The following ESPN variants were observed in gnomAD, a reference collection of about 807,000 sequenced individuals.
The protein encoded by ESPN is autosomal recessive deafness type 36 protein.
ESPN carries 68 observed loss-of-function variants against 77.7 expected under a neutral mutation model. That is an observed-to-expected ratio of 0.87 (90% CI 0.72 to 1.07). The LOEUF is 1.07. Ranked by LOEUF, ESPN falls within the 50% of genes least tolerant of loss-of-function variation. The pLI, the probability that ESPN is intolerant of heterozygous loss-of-function variation, is 0.00. For synonymous variants in ESPN, 449 were observed against 567.1 expected, an observed-to-expected ratio of 0.79 and a Z score of 2.96; for missense variants, 1,060 against 1,239.0, an observed-to-expected ratio of 0.86 and a Z score of 2.17.
chr1:6,440,039 G>A (rs569892133), intron 2 of ESPN, among the ~76,000 whole-genome samples: 1 of 152,054 alleles, frequency 6.6e-6, no homozygotes, highest in South Asian at 2.1e-4. Context: ...GGGCAGGGCA[G>A]TGCTGGGTGG....
chr1:6,424,898 G>A lies in ESPN; in HGVS notation c.-58G>A, dbSNP rs891457645. On this transcript the variant is annotated 5_prime_UTR_variant, in exon 1 of 13. It adds an upstream start codon to the 5' untranslated region. Transcript: ENST00000645284. ...GGGCTCCTCTGGCCCGCAAGAACAC[G>A]TGCATGGCGTCCTGGGGAAGGCGCT... 9 of 1,390,298 alleles carry A rather than the reference G, an allele frequency of 6.5e-6. No homozygotes were observed. In the African/African-American group the frequency reaches 9.1e-5, roughly 14 times the overall value. The allele number at this position is 1,390,298 out of a possible 1,614,324, so 86.1% of individuals were successfully genotyped here. A position where few individuals can be genotyped will look rare whatever the true frequency, so the allele number is the denominator to read the frequency against.
chr1:6,431,649 A>T (rs1381393678), intron 2 of ESPN, among the ~76,000 whole-genome samples: 1 of 147,906 alleles, frequency 6.8e-6, no homozygotes, highest in East Asian at 1.9e-4. Context: ...AAAAAAAAAA[A>T]AAAAGGAACG....
At chr1:6,458,361 G>A (rs1413879254) in intron 12 of ESPN, among the ~76,000 whole-genome samples, 5 of 147,426 alleles carry the variant, frequency 3.4e-5, no homozygotes, top group Non-Finnish European at 7.4e-5. Context: ...TGTTGTCCAG[G>A]CTGGAGTACA....
At position 6,449,071 on chromosome 1, in the gene ESPN, G is replaced by C; in HGVS notation, c.1895G>C (p.Arg632Pro). The stretch of plus-strand genomic sequence containing the variant: ...GCTGGCCCTGGCTGCGGGCAGCGCC[G>C]CTCCTCCTCGTCCACCGGCAGTGAG... ...ESAGPGCGQRRSSSSTGSTKS... is the reference protein window; with the variant it reads ...ESAGPGCGQRPSSSSTGSTKS... The change falls in exon 8 of 13, where the codon CGC becomes CCC. Residue 632 changes from arginine (R) to proline (P), a missense_variant. This residue lies in a region of ESPN where 374 missense variants were observed against 381.4 expected (regional missense o/e 0.98). Transcript: ENST00000645284. 6.7e-7 allele frequency: 1 copy of C among 1,482,218 alleles called. No homozygotes were observed. The highest frequency in any genetic ancestry group is 8.9e-7 in the Non-Finnish European group (1 of 1,123,492). The allele number at this position is 1,482,218 out of a possible 1,614,324, so 91.8% of individuals were successfully genotyped here. A position where few individuals can be genotyped will look rare whatever the true frequency, so the allele number is the denominator to read the frequency against.
At position 6,428,101 on chromosome 1, in the gene ESPN, C is replaced by T. The variant is rs1643105509; in HGVS notation, c.295-125C>T. 1 of 1,044,448 alleles carries T rather than the reference C, an allele frequency of 9.6e-7. No individual in the cohort carries two copies. The highest frequency in any genetic ancestry group is 1.6e-5 in the African/African-American group (1 of 63,580). The allele number at this position is 1,044,448 out of a possible 1,614,324, so 64.7% of individuals were successfully genotyped here. A position where few individuals can be genotyped will look rare whatever the true frequency, so the allele number is the denominator to read the frequency against. ...AAAACATTGCTGAATGAGGCCTGGC[C>T]AATCCCTCCAGGGAAGACAGAGAGC... On this transcript the variant is annotated intron_variant, in intron 1 of 12. Coordinates refer to ENST00000645284, the MANE Select transcript of ESPN (RefSeq NM_031475.3). This position sits in a 1 kb window ranked among gnomAD's most constrained non-coding sequence, Gnocchi z 5.4.
At chr1:6,441,093 A>T in intron 5 of ESPN, 28 bp downstream of exon 5, 1 of 1,605,044 alleles carries the variant, frequency 6.2e-7, no homozygotes, top group African/African-American at 1.3e-5. Context: ...CTCCTGTCGC[A>T]TTCTTTCTTC....
intron 2 of ESPN, among the ~76,000 whole-genome samples, chr1:6,432,404 C>T (rs888131073): frequency 2.6e-5 from 4 of 152,190 alleles, no homozygotes; most frequent in African/African-American, 7.2e-5. Flanking sequence ...GGCCTGTGTC[C>T]GCACTGAGGA....
chr1:6,444,726 A>G, intron 6 of ESPN, 44 bp downstream of exon 6: 2 of 1,605,162 alleles, frequency 1.2e-6, no homozygotes, highest in Non-Finnish European at 1.7e-6. Flanking sequence ...AGCAGACTGA[A>G]GCCAGACTGC....
chr1:6,445,970 A>G (rs759303136), intron 7 of ESPN, 35 bp downstream of exon 7: 3 of 1,610,318 alleles, frequency 1.9e-6, no homozygotes, highest in Non-Finnish European at 2.5e-6. Context: ...GCCTCCCAGC[A>G]GGGGGACTGG....
Position 6,440,348 on chromosome 1 carries a change from T to C in ESPN, c.583T>C (p.Cys195Arg), listed in dbSNP as rs758265937. The C allele has an allele frequency of 4.4e-6, 7 of 1,584,478 alleles. No individual in the cohort carries two copies. The highest frequency in any genetic ancestry group is 6.0e-6 in the Non-Finnish European group (7 of 1,165,840). ...GGTGACCCAGTACCTGGTGCAGGAATGCGGCGCAGACCCGCACGCGCGCGC... is the reference window on the plus strand; with the variant it reads ...GGTGACCCAGTACCTGGTGCAGGAACGCGGCGCAGACCCGCACGCGCGCGC... ...LEVTQYLVQE[C>R]GADPHARAHD... is the part of the protein sequence containing the mutation. The change falls in exon 3 of 13, where the codon TGC (cysteine) becomes CGC (arginine). Residue 195 changes from cysteine (C) to arginine (R), a missense_variant. Physicochemically the swap from Cys to Arg is radical, Grantham distance 180. Around this residue, in one of 3 missense-constraint regions of ESPN, gnomAD observed 556 missense variants for 633.6 expected, o/e 0.88. Transcript: ENST00000645284.
intron 5 of ESPN, among the ~76,000 whole-genome samples, chr1:6,443,564 A>G (rs11121873): frequency 0.27 from 41,718 of 152,140 alleles, 7,259 homozygotes; most frequent in African/African-American, 0.5. Flanking sequence ...GAATGGGTGG[A>G]GTATGTGTGC....
intron 7 of ESPN, 125 bp downstream of exon 7, chr1:6,446,060 C>A (rs1220995360): frequency 2.0e-6 from 2 of 983,418 alleles, no homozygotes; most frequent in East Asian, 4.9e-5. Context: ...ATGGCATGTT[C>A]AAGAGTCAAA....
chr1:6,442,678 G>T (rs1464163712), intron 5 of ESPN, among the ~76,000 whole-genome samples: 1 of 151,488 alleles, frequency 6.6e-6, no homozygotes, highest in African/African-American at 2.4e-5. Context: ...GACCATTCTG[G>T]CCAACATGGT....
rs1244518133 is a variant in ESPN, at chr1:6,450,689, C to T, written c.1916-914C>T. On this transcript the variant is annotated intron_variant, in intron 8 of 12. Transcript: ENST00000645284. This position sits in a 1 kb window ranked among gnomAD's most constrained non-coding sequence, Gnocchi z 4.3. ...ATTCTGCACCTGGCTGATGGTTTTG[C>T]CTAAATAAATGAGCCAGCCACACCG... is the stretch of plus-strand genomic sequence containing the variant. Among the ~76,000 whole-genome samples, 2 of 152,068 alleles carry T rather than the reference C, an allele frequency of 1.3e-5. No homozygotes were observed. The highest frequency in any genetic ancestry group is 2.9e-5 in the Non-Finnish European group (2 of 68,008).
Position 6,451,450 on chromosome 1 carries a change from T to G in ESPN, c.1916-153T>G. ...GCCTCTGGGGGCCCTGAAACCTGCC[T>G]GCAGGACCTGGGATCTGGAGAGCTG... On this transcript the variant is annotated intron_variant, in intron 8 of 12. Coordinates refer to ENST00000645284, the MANE Select transcript of ESPN (RefSeq NM_031475.3). The surrounding 1 kb of genome is among the most constrained non-coding windows in gnomAD (Gnocchi z 4.3). 1 of 1,099,656 alleles carries G rather than the reference T, an allele frequency of 9.1e-7. No homozygotes were observed. Among genetic ancestry groups the G allele is most frequent in the Non-Finnish European group, 1.3e-6 (1 of 744,484 alleles). The allele number at this position is 1,099,656 out of a possible 1,614,324, so 68.1% of individuals were successfully genotyped here.
intron 7 of ESPN, chr1:6,448,001 A>G (rs1014798302): frequency 6.6e-6 from 1 of 152,180 alleles, no homozygotes; most frequent in Non-Finnish European, 1.5e-5. Flanking sequence ...GTCGGAGCCC[A>G]TAGGCTGGCT....
rs1643948090 is a variant in ESPN at position 6,451,787 on chromosome 1, T to C, written c.2061+39T>C. On this transcript the variant is annotated intron_variant, in intron 9 of 12. Coordinates refer to ENST00000645284, the MANE Select transcript of ESPN (RefSeq NM_031475.3). This position sits in a 1 kb window ranked among gnomAD's most constrained non-coding sequence, Gnocchi z 4.3. Reference sequence around the variant, plus strand: ...GCAGGAGCCTGCGACCCGGCTTCCCTGGCCCTAGGCCACCGGGCGCTCAGC... The same window carrying C: ...GCAGGAGCCTGCGACCCGGCTTCCCCGGCCCTAGGCCACCGGGCGCTCAGC... The C allele has an allele frequency of 1.2e-6, 2 of 1,610,288 alleles. No homozygotes were observed. Among genetic ancestry groups the C allele is most frequent in the East Asian group, 2.2e-5 (1 of 44,792 alleles).
Position 6,454,616 on chromosome 1 carries a change from A to ACTGGAG in ESPN, c.2325+2534_2325+2539dup, listed in dbSNP as rs555302960. On this transcript the variant is annotated intron_variant, in intron 10 of 12. Coordinates refer to ENST00000645284, the MANE Select transcript of ESPN (RefSeq NM_031475.3). ...AGAAGCTGGAGGCGCGCCTCGAGCAACTGGAGCTGGAGCTGGAGCAGCTGC... is the reference window on the plus strand; with the variant it reads ...AGAAGCTGGAGGCGCGCCTCGAGCAACTGGAGCTGGAGCTGGAGCTGGAGCAGCTGC... 7.3e-4 allele frequency: 293 copies of ACTGGAG among 398,938 alleles called. 1 individual carries two copies. The highest frequency in any genetic ancestry group is 4.9e-3 in the African/African-American group (239 of 48,744). The allele number at this position is 398,938 out of a possible 1,614,324, so 24.7% of individuals were successfully genotyped here.
In ESPN at chr1:6,433,105, G is replaced by T. The variant is rs185758669; in HGVS notation, c.488+4686G>T. Among the ~76,000 whole-genome samples, 912 of 151,144 alleles carry T rather than the reference G, an allele frequency of 6.0e-3. 11 individuals are homozygous for T. The highest frequency in any genetic ancestry group is 0.02 in the African/African-American group (835 of 40,968). On this transcript the variant is annotated intron_variant, in intron 2 of 12. Transcript: ENST00000645284. The stretch of plus-strand genomic sequence containing the variant: ...CCACTGCACTCCAGCCTGGGCAACA[G>T]AGTGAGACTCCATCTCAAAAAAAAA...
Sources: gnomAD v4.1 joint callset for allele counts (sites outside exome capture counted in the v4.1 genomes callset) on GRCh38, gnomAD v4.1.1 for gene constraint, gnomAD v4.1.1 regional missense constraint, Gnocchi (gnomAD v3.1) non-coding constraint, MANE v1.5 for transcripts, NCBI Gene and HGNC (gene_info 2026-07-23, HGNC 2026-07-21) for gene names.